The following HMGXB4 variants were observed in gnomAD, a reference collection of about 807,000 sequenced individuals.
HMGXB4 encodes HMG domain-containing protein 4.
HMGXB4 carries 27 observed loss-of-function variants against 63.9 expected under a neutral mutation model. The ratio of observed to expected loss-of-function variants is 0.42; its 90% CI spans 0.31 to 0.58. The LOEUF (loss-of-function observed/expected upper bound fraction) is 0.58. Among genes scored for constraint, HMGXB4 ranks in the 20% least tolerant of loss-of-function variants. The pLI is 0.13. For missense variants in HMGXB4, 624 were observed against 700.7 expected (o/e 0.89, Z 1.24); for synonymous variants, 264 against 265.3 (o/e 0.99, Z 0.05).
rs1923081990 is a variant in HMGXB4 at position 35,264,736 on chromosome 22, C to T, written c.348C>T (p.Ile116=). The change falls in exon 5 of 11, where the codon ATC becomes ATT. Residue 116 remains isoleucine (I), a synonymous_variant. Transcript: ENST00000216106. ...CAGCTATGGACCTGTTGAAAGCTAT[C>T]ACTTCCCCACTGGCAGCAGGCTCCA... ...TDTAMDLLKA[I]TSPLAAGSKP... is the part of the protein sequence containing the mutation. The T allele has an allele frequency of 6.2e-7, 1 of 1,613,986 alleles. No individual in the cohort carries two copies. The highest frequency in any genetic ancestry group is 1.3e-5 in the African/African-American group (1 of 74,934).
intron 9 of HMGXB4, among the ~76,000 whole-genome samples, chr22:35,291,216 C>G (rs1015276031): frequency 6.6e-6 from 1 of 151,250 alleles, no homozygotes; most frequent in African/African-American, 2.4e-5. Flanking sequence ...GAGCCGAGAT[C>G]ACACCACTGC....
At chr22:35,278,686 T>G (rs1924051317) in intron 5 of HMGXB4, among the ~76,000 whole-genome samples, 1 of 151,518 alleles carries the variant, frequency 6.6e-6, no homozygotes, top group Non-Finnish European at 1.5e-5. Context: ...TCTCACTGTG[T>G]CACCCAGGCT....
rs146646334 is a variant in HMGXB4, at chr22:35,265,094, C to T, written c.706C>T (p.Leu236Phe). ...KSARDEQGAL[L>F]LGHELQSFLK... ...AGCTCGGGATGAGCAGGGTGCTTTA[C>T]TCCTAGGACATGAGTTACAGAGCTT... Residue 236 changes from leucine (L) to phenylalanine (F), a missense_variant, in exon 5 of 11, where the codon CTC (leucine) becomes TTC (phenylalanine). Around this residue, in one of 2 missense-constraint regions of HMGXB4, gnomAD observed 472 missense variants for 470.6 expected, o/e 1.00. Coordinates refer to ENST00000216106, the MANE Select transcript of HMGXB4 (RefSeq NM_001003681.3). 488 of 1,614,138 alleles carry T rather than the reference C, an allele frequency of 3.0e-4. No homozygotes were observed. Among genetic ancestry groups the T allele is most frequent in the Admixed American group, 4.2e-4 (25 of 60,018 alleles).
At chr22:35,249,070 T>C in the HMGXB4 span, among the ~76,000 whole-genome samples, 2 of 152,218 alleles carry the variant, frequency 1.3e-5, no homozygotes, top group African/African-American at 4.8e-5. Context: ...TTCTTTTCTT[T>C]TTTTTTGAGG....
At chr22:35,271,674 G>C (rs1414425426) in intron 5 of HMGXB4, among the ~76,000 whole-genome samples, 1 of 152,190 alleles carries the variant, frequency 6.6e-6, no homozygotes, top group Non-Finnish European at 1.5e-5. Context: ...GCCTCGGTGT[G>C]CCAAGGCGCT....
intron 5 of HMGXB4, among the ~76,000 whole-genome samples, chr22:35,266,272 A>C (rs1923240951): frequency 6.6e-6 from 1 of 152,228 alleles, no homozygotes; most frequent in South Asian, 2.1e-4. Context: ...TCATTTTTAA[A>C]AACAGACTAT....
chr22:35,265,536 C>T lies in HMGXB4; in HGVS notation c.1148C>T (p.Thr383Ile). ...APPLPLPGLHTDGHSEKKKKK... is the reference protein window; with the variant it reads ...APPLPLPGLHIDGHSEKKKKK... ...CCCCTGCCACTTCCTGGCCTCCACA[C>T]AGATGGGCATAGTGAAAAAAAAAAG... The change falls in exon 5 of 11, where the codon ACA becomes ATA. Residue 383 changes from threonine (T) to isoleucine (I), a missense_variant. By Grantham distance (89) the Thr-to-Ile change is moderately conservative. Coordinates refer to ENST00000216106, the MANE Select transcript of HMGXB4 (RefSeq NM_001003681.3). 1 of 1,610,644 alleles carries T rather than the reference C, an allele frequency of 6.2e-7. No individual in the cohort carries two copies. The highest frequency in any genetic ancestry group is 8.5e-7 in the Non-Finnish European group (1 of 1,179,218).
At chr22:35,260,255 G>A (rs568647101) in intron 1 of HMGXB4, among the ~76,000 whole-genome samples, 1 of 152,154 alleles carries the variant, frequency 6.6e-6, no homozygotes, top group Admixed American at 6.5e-5. Flanking sequence ...CAAAATTCAT[G>A]CACAGAAAGT....
intron 5 of HMGXB4, 133 bp downstream of exon 5, chr22:35,265,736 A>G (rs1270146143): frequency 8.0e-7 from 1 of 1,249,788 alleles, no homozygotes; most frequent in Non-Finnish European, 1.1e-6. Flanking sequence ...TGTTGGAATG[A>G]TATAAAGTAT....
chr22:35,275,688 C>T (rs933705617), intron 5 of HMGXB4, among the ~76,000 whole-genome samples: 3 of 152,104 alleles, frequency 2.0e-5, no homozygotes, highest in Non-Finnish European at 2.9e-5. Flanking sequence ...TTCAGTGAGT[C>T]GTAATGAGCC....
chr22:35,278,922 T>C (rs1013377232), intron 5 of HMGXB4, among the ~76,000 whole-genome samples: 1 of 149,454 alleles, frequency 6.7e-6, no homozygotes, highest in Admixed American at 6.7e-5. Context: ...TGGCACGCAC[T>C]CGTAGTCTTA....
At position 35,269,449 on chromosome 22, in the gene HMGXB4, TG is replaced by T. The variant is rs913220772; in HGVS notation, c.1215+3850del. ...CTTTAACTTAGCAGCACTGTCTGCT[TG>T]GGGCAGAATGTAAGCTCCTTTACCA... On this transcript the variant is annotated intron_variant, in intron 5 of 10. Transcript: ENST00000216106. Among the ~76,000 whole-genome samples the T allele has an allele frequency of 5.1e-4, 77 of 152,310 alleles. 1 individual carries two copies. The highest frequency in any genetic ancestry group is 1.8e-3 in the African/African-American group (75 of 41,556).
intron 7 of HMGXB4, chr22:35,287,117 G>T: frequency 2.2e-6 from 1 of 460,482 alleles, no homozygotes; most frequent in Non-Finnish European, 4.0e-6. Flanking sequence ...TCAGTGCCGA[G>T]ATTTGACCAT....
chr22:35,287,212 A>G (rs1924642329), intron 7 of HMGXB4, 135 bp from the exon 8 acceptor site: 2 of 658,906 alleles, frequency 3.0e-6, no homozygotes, highest in South Asian at 1.9e-5. Flanking sequence ...CCCAGCTTAA[A>G]AGTTAGCATT....
intron 5 of HMGXB4, among the ~76,000 whole-genome samples, chr22:35,276,092 A>C (rs1046794199): frequency 6.6e-6 from 1 of 152,216 alleles, no homozygotes; most frequent in Admixed American, 6.5e-5. Flanking sequence ...AAAATGTGCC[A>C]TGGAAAATTT....
intron 5 of HMGXB4, among the ~76,000 whole-genome samples, chr22:35,271,668 C>T (rs988090833): frequency 3.9e-5 from 6 of 152,184 alleles, no homozygotes; most frequent in Admixed American, 1.3e-4. Flanking sequence ...TTCAGGGCCT[C>T]GGTGTGCCAA....
chr22:35,253,753 G>A (rs1039330580), upstream of HMGXB4, among the ~76,000 whole-genome samples: 1 of 152,236 alleles, frequency 6.6e-6, no homozygotes, highest in African/African-American at 2.4e-5. Context: ...TGAGAGAACA[G>A]AGTTAAGAGG....
At chr22:35,277,387 T>G (rs1923975549) in intron 5 of HMGXB4, among the ~76,000 whole-genome samples, 1 of 152,250 alleles carries the variant, frequency 6.6e-6, no homozygotes, top group Non-Finnish European at 1.5e-5. Flanking sequence ...TTACTCATGT[T>G]GCCCAGGCTG....
At position 35,265,529 on chromosome 22, in the gene HMGXB4, C is replaced by T. The variant is rs768348738; in HGVS notation, c.1141C>T (p.Leu381Phe). The part of the protein sequence containing the change: ...AAAPPLPLPG[L>F]HTDGHSEKKK... ...AGCACCTCCCCTGCCACTTCCTGGC[C>T]TCCACACAGATGGGCATAGTGAAAA... The change falls in exon 5 of 11, where the codon CTC (leucine) becomes TTC (phenylalanine). Residue 381 changes from leucine to phenylalanine, a missense_variant. By Grantham distance (22) the Leu-to-Phe change is conservative. Coordinates refer to ENST00000216106, the MANE Select transcript of HMGXB4 (RefSeq NM_001003681.3). 1 of 1,613,266 alleles carries T rather than the reference C, an allele frequency of 6.2e-7. No homozygotes were observed. Among genetic ancestry groups the T allele is most frequent in the East Asian group, 2.2e-5 (1 of 44,818 alleles).
Sources: allele counts gnomAD v4.1 joint callset (sites outside exome capture counted in the v4.1 genomes callset), GRCh38; gene constraint gnomAD v4.1.1; regional missense constraint gnomAD v4.1.1; transcripts MANE v1.5; gene names NCBI Gene and HGNC (gene_info 2026-07-23, HGNC 2026-07-21).